The following MTCL1 variants were observed in gnomAD, a reference collection of about 807,000 sequenced individuals.
MTCL1 encodes the protein microtubule crosslinking factor 1.
In MTCL1, 79 loss-of-function variants were observed where a neutral mutation model predicts 141.4. That is an observed-to-expected ratio of 0.56 (90% CI 0.47 to 0.67). MTCL1 has a LOEUF of 0.67. Ranked by LOEUF, MTCL1 falls within the 30% of genes least tolerant of loss-of-function variation. The pLI, the probability that MTCL1 is intolerant of heterozygous loss-of-function variation, is 0.00. For synonymous variants in MTCL1, 914 were observed against 875.8 expected (o/e 1.04, Z -0.77); for missense variants, 2,177 against 2,113.9 (o/e 1.03, Z -0.59).
At chr18:8,784,497 A>G (rs143858455) in exon 6 of MTCL1, 4 of 1,584,964 alleles carry the variant, frequency 2.5e-6, no homozygotes, top group African/African-American at 1.3e-5. Flanking sequence ...CACGAGGCCC[A>G]GCGGCTAGAG....
intron 11 of MTCL1, chr18:8,809,711 AG>A: frequency 8.0e-7 from 1 of 1,254,264 alleles, no homozygotes; most frequent in Non-Finnish European, 1.1e-6. Flanking sequence ...CACGGCTGTC[AG>A]GTTTCTAGTA....
chr18:8,773,034 C>G (rs1011613392), intron 4 of MTCL1, among the ~76,000 whole-genome samples: 2 of 152,142 alleles, frequency 1.3e-5, no homozygotes, highest in South Asian at 2.1e-4. Flanking sequence ...ATCAAAACAT[C>G]ATGTTGTGTA....
At chr18:8,784,706 C>G in exon 6 of MTCL1, 1 of 1,614,216 alleles carries the variant, frequency 6.2e-7, no homozygotes, top group Non-Finnish European at 8.5e-7. Context: ...CTTCCTGGAG[C>G]AGGTGAACCG....
chr18:8,737,783 A>G (rs2096281686), intron 4 of MTCL1, among the ~76,000 whole-genome samples: 2 of 152,198 alleles, frequency 1.3e-5, no homozygotes, highest in Non-Finnish European at 2.9e-5. Context: ...GCGGGGCTCC[A>G]TAACCAACTG....
chr18:8,810,532 C>T lies in MTCL1; in HGVS notation c.2605-2447C>T, dbSNP rs1212872114. 2.0e-5 allele frequency among the ~76,000 whole-genome samples: 3 copies of T among 152,120 alleles called. No homozygotes were observed. Among genetic ancestry groups the T allele is most frequent in the Non-Finnish European group, 2.9e-5 (2 of 68,042 alleles). ...GTGATGTGGGGCCCAGGAAGGGGTACGCTGCATGAGGAGATTCTAAAGAGA... is the reference window on the plus strand; with the variant it reads ...GTGATGTGGGGCCCAGGAAGGGGTATGCTGCATGAGGAGATTCTAAAGAGA... On this transcript the variant is annotated intron_variant, in intron 11 of 16. Transcript: ENST00000359865. The surrounding 1 kb of genome is among the most constrained non-coding windows in gnomAD (Gnocchi z 5.0).
chr18:8,819,949 T>C (rs966721522), intron 13 of MTCL1, among the ~76,000 whole-genome samples: 1 of 152,134 alleles, frequency 6.6e-6, no homozygotes, highest in African/African-American at 2.4e-5. Context: ...CTTCTGAGTC[T>C]AGAAAACTAA....
Position 8,830,105 on chromosome 18 carries a change from C to G in MTCL1, c.*18+1141C>G. 1 of 985,456 alleles carries G rather than the reference C, an allele frequency of 1.0e-6. No individual in the cohort carries two copies. Among genetic ancestry groups the G allele is most frequent in the Non-Finnish European group, 1.2e-6 (1 of 830,040 alleles). The allele number at this position is 985,456 out of a possible 1,614,324, so 61.0% of individuals were successfully genotyped here. The stretch of plus-strand genomic sequence containing the variant: ...TTCTATAACAAGGGGAGCGCAGACA[C>G]AAAACACACAGATTTCCCAAACCGT... On this transcript the variant is annotated intron_variant, in intron 16 of 16. Coordinates refer to ENST00000359865, the Ensembl canonical transcript of MTCL1. The surrounding 1 kb of genome is among the most constrained non-coding windows in gnomAD (Gnocchi z 6.4).
intron 12 of MTCL1, among the ~76,000 whole-genome samples, 164 bp from the exon 12 acceptor site, chr18:8,818,799 T>C (rs1387673079): frequency 1.3e-5 from 2 of 152,230 alleles, no homozygotes; most frequent in Non-Finnish European, 2.9e-5. Flanking sequence ...TGTAATGTTG[T>C]GTTACATTTT....
intron 4 of MTCL1, among the ~76,000 whole-genome samples, 193 bp from the exon 4 acceptor site, chr18:8,777,640 C>T (rs1177325163): frequency 6.6e-6 from 1 of 152,218 alleles, no homozygotes; most frequent in Non-Finnish European, 1.5e-5. Flanking sequence ...CATCTAACTT[C>T]TCCAACTGCA....
At chr18:8,777,977 T>C in intron 5 of MTCL1, 85 bp downstream of exon 4, 1 of 1,308,092 alleles carries the variant, frequency 7.6e-7, no homozygotes, top group Non-Finnish European at 1.1e-6. Flanking sequence ...GTGTTAGCTT[T>C]GCCTTTAAAA....
At position 8,812,973 on chromosome 18, in the gene MTCL1, T is replaced by G; in HGVS notation, c.2605-6T>G. Reference sequence around the variant, plus strand: ...AGGGAATTCCTAAGTCTCTTCTCCTTGACAGCTGGAAGAGAAGACTGAGAA... The same window carrying G: ...AGGGAATTCCTAAGTCTCTTCTCCTGGACAGCTGGAAGAGAAGACTGAGAA... On this transcript the variant is annotated splice_region_variant and splice_polypyrimidine_tract_variant and intron_variant, in intron 11 of 16. Coordinates refer to ENST00000359865, the Ensembl canonical transcript of MTCL1. The G allele has an allele frequency of 6.2e-7, 1 of 1,606,374 alleles. No homozygotes were observed. Among genetic ancestry groups the G allele is most frequent in the Non-Finnish European group, 8.5e-7 (1 of 1,173,850 alleles).
intron 10 of MTCL1, among the ~76,000 whole-genome samples, chr18:8,798,531 T>TGTA (rs1201231213): frequency 4.6e-5 from 7 of 152,338 alleles, no homozygotes; most frequent in Non-Finnish European, 1.0e-4. Context: ...AAATAAGGAC[T>TGTA]GTAGTAAGGG....
At chr18:8,715,377 G>A (rs149216325), upstream of MTCL1, among the ~76,000 whole-genome samples, 9 of 152,254 alleles carry the variant, frequency 5.9e-5, no homozygotes, top group South Asian at 2.1e-4. Context: ...CTTAGTTGCC[G>A]ATAATCCCAG....
chr18:8,765,475 A>G (rs1014422693), intron 4 of MTCL1, among the ~76,000 whole-genome samples: 1 of 152,210 alleles, frequency 6.6e-6, no homozygotes, highest in Non-Finnish European at 1.5e-5. Flanking sequence ...AGCACCCTAG[A>G]GCAAGAGCCT....
intron 7 of MTCL1, chr18:8,789,669 A>C (rs1341572223): frequency 1.0e-6 from 1 of 985,314 alleles, no homozygotes; most frequent in East Asian, 1.1e-4. Context: ...TGGTTTAGAT[A>C]AGCTGCTTTA....
rs2077172058 is a variant in MTCL1, at chr18:8,830,834, C to T, written c.*19-773C>T. 3.0e-6 allele frequency: 3 copies of T among 985,426 alleles called. No individual in the cohort carries two copies. The Admixed American group carries it at 1.8e-4, about 61-fold the overall frequency. The allele number at this position is 985,426 out of a possible 1,614,324, so 61.0% of individuals were successfully genotyped here. On this transcript the variant is annotated intron_variant, in intron 16 of 16. Transcript: ENST00000359865. This position sits in a 1 kb window ranked among gnomAD's most constrained non-coding sequence, Gnocchi z 6.4. ...ATGTAAGGACAAGGAGCTCAACATT[C>T]TTTAAAAACAAAGTAGCTTGAGAAT...
intron 10 of MTCL1, among the ~76,000 whole-genome samples, chr18:8,803,191 AG>A (rs1156257773): frequency 6.6e-6 from 1 of 150,932 alleles, no homozygotes; most frequent in Non-Finnish European, 1.5e-5. Flanking sequence ...AAAAAGAAAA[AG>A]GCTTGGCAGG....
rs781467348 is a variant in MTCL1, at chr18:8,723,027, C to T, written c.357+2531C>T. Among the ~76,000 whole-genome samples the T allele has an allele frequency of 2.2e-4, 34 of 152,098 alleles. 1 individual carries two copies. Among genetic ancestry groups the T allele is most frequent in the African/African-American group, 4.8e-4 (20 of 41,410 alleles). On this transcript the variant is annotated intron_variant, in intron 4 of 16. Coordinates refer to ENST00000359865, the Ensembl canonical transcript of MTCL1. ...GCTCAGGGTGGATGTGAGGAGAGAA[C>T]GGAGAGGGATCAGCCCTCCCTTTGT...
chr18:8,706,656 G>C, exon 1 of MTCL1: 1 of 1,546,276 alleles, frequency 6.5e-7, no homozygotes, highest in Non-Finnish European at 8.7e-7. Flanking sequence ...CAGCGGCGGA[G>C]GAAGAAGAGC....
Sources: allele counts gnomAD v4.1 joint callset (sites outside exome capture counted in the v4.1 genomes callset), GRCh38; gene constraint gnomAD v4.1.1; non-coding constraint Gnocchi (gnomAD v3.1); transcripts MANE v1.5; gene names NCBI Gene and HGNC (gene_info 2026-07-23, HGNC 2026-07-21).